The following PGM3 variants were observed in gnomAD, a reference collection of about 807,000 sequenced individuals.
PGM3 encodes the protein phosphoglucomutase 3, also known as phosphoacetylglucosamine mutase.
PGM3 carries 40 observed loss-of-function variants against 66.2 expected under a neutral mutation model. The ratio of observed to expected loss-of-function variants is 0.60; its 90% confidence interval spans 0.47 to 0.79. The LOEUF is 0.79. Ranked by LOEUF, PGM3 falls within the 30% of genes least tolerant of loss-of-function variation. The pLI is 0.00. For missense variants in PGM3, 537 were observed against 643.4 expected (o/e 0.83, Z 1.79); for synonymous variants, 191 against 224.2 (o/e 0.85, Z 1.32).
the PGM3 span, chr6:83,151,815 AACT>A: frequency 6.6e-7 from 1 of 1,506,330 alleles, no homozygotes; most frequent in Non-Finnish European, 9.1e-7. Context: ...CAGAAATATA[AACT>A]ACAGAAGTTC....
downstream of PGM3, chr6:83,160,031 C>T: frequency 1.4e-6 from 2 of 1,471,314 alleles, no homozygotes; most frequent in East Asian, 2.3e-5. Context: ...ACATCTATGA[C>T]TAATTAAAAA....
chr6:83,162,906 G>A (rs747562310), downstream of PGM3: 10 of 1,611,786 alleles, frequency 6.2e-6, no homozygotes, highest in East Asian at 4.5e-5. Context: ...AAACTTCTTC[G>A]GAAAAGAGCA....
In PGM3 at chr6:83,190,782, G is replaced by C. The variant is rs142893299; in HGVS notation, c.204+27C>G. ...GGCTTGGTCTTGTAAATAATGGTCT[G>C]CTTTATCAGGGCACTAAACCCATTA... is the stretch of plus-strand genomic sequence containing the variant. On this transcript the variant is annotated intron_variant, in intron 2 of 12. Transcript: ENST00000513973. 83 of 1,545,658 alleles carry C rather than the reference G, an allele frequency of 5.4e-5. No homozygotes were observed. The African/African-American group carries it at 9.2e-4, about 17-fold the overall frequency.
the PGM3 span, chr6:83,152,296 T>C: frequency 1.3e-6 from 2 of 1,562,298 alleles, no homozygotes; most frequent in African/African-American, 1.4e-5. Context: ...AGATATGTTA[T>C]CACCTGCAAT....
chr6:83,187,113 T>C lies in PGM3; in HGVS notation c.390-38A>G, dbSNP rs551782249. The stretch of plus-strand genomic sequence containing the variant: ...AGGAAGAAAATAATATATCCCATCC[T>C]GAAACTGGCAGGGTTGCTGGTTCTG... On this transcript the variant is annotated intron_variant, in intron 3 of 12. Coordinates refer to ENST00000513973, the MANE Select transcript of PGM3 (RefSeq NM_015599.3). 4 of 1,325,344 alleles carry C rather than the reference T, an allele frequency of 3.0e-6. No homozygotes were observed. The African/African-American group carries it at 4.4e-5, about 14-fold the overall frequency. The allele number at this position is 1,325,344 out of a possible 1,614,324, so 82.1% of individuals were successfully genotyped here.
intron 12 of PGM3, 137 bp from the exon 13 acceptor site, chr6:83,169,460 C>T: frequency 2.0e-6 from 2 of 1,011,996 alleles, no homozygotes; most frequent in Non-Finnish European, 2.8e-6. Flanking sequence ...CTAATGAAAA[C>T]CTTTTTTCAT....
downstream of PGM3, chr6:83,163,008 A>AC: frequency 7.1e-7 from 1 of 1,402,598 alleles, no homozygotes; most frequent in South Asian, 1.6e-5. Context: ...GGAAACTGAG[A>AC]ACGTTATCAA....
the PGM3 span, among the ~76,000 whole-genome samples, chr6:83,152,635 T>G: frequency 2.0e-5 from 3 of 151,146 alleles, no homozygotes; most frequent in Admixed American, 2.0e-4. Flanking sequence ...TTTTTTTTTT[T>G]TGAGACAGTT....
downstream of PGM3, chr6:83,157,443 A>T (rs893160093): frequency 2.9e-6 from 3 of 1,020,072 alleles, no homozygotes; most frequent in African/African-American, 1.6e-5. Flanking sequence ...CCAGTTACTG[A>T]TGCTTTTTAC....
downstream of PGM3, among the ~76,000 whole-genome samples, chr6:83,158,398 C>T (rs947643975): frequency 5.3e-5 from 8 of 152,030 alleles, no homozygotes; most frequent in Non-Finnish European, 8.8e-5. Context: ...TAGCAAGGCT[C>T]TGTGTGGCTA....
At chr6:83,164,760 G>A (rs1279619631), downstream of PGM3, 3 of 1,536,542 alleles carry the variant, frequency 2.0e-6, no homozygotes, top group Non-Finnish European at 2.6e-6. Context: ...GGCAGCAAAA[G>A]TTGCCAAATA....
At chr6:83,169,799 G>A in intron 12 of PGM3, 1 of 457,484 alleles carries the variant, frequency 2.2e-6, no homozygotes, top group Non-Finnish European at 4.4e-6. Flanking sequence ...AGGAGTATGT[G>A]AAGAGGCCAA....
intron 5 of PGM3, 35 bp downstream of exon 5, chr6:83,182,810 T>C (rs1788280681): frequency 6.3e-7 from 1 of 1,591,934 alleles, no homozygotes; most frequent in African/African-American, 1.3e-5. Context: ...TTTATTCATT[T>C]GTTTAACTTT....
At position 83,181,597 on chromosome 6, in the gene PGM3, G is replaced by A. The variant is rs535332087; in HGVS notation, c.787+139C>T. On this transcript the variant is annotated intron_variant, in intron 6 of 12. Transcript: ENST00000513973. ...CATGTTTCAATGGCTCTGAGAGTGG[G>A]AAGACTTCTCAATGTCTAAATGTGG... 5 of 600,128 alleles carry A rather than the reference G, an allele frequency of 8.3e-6. No homozygotes were observed. The East Asian group carries it at 1.4e-4, about 17-fold the overall frequency. The allele number at this position is 600,128 out of a possible 1,614,324, so 37.2% of individuals were successfully genotyped here. A position where few individuals can be genotyped will look rare whatever the true frequency, so the allele number is the denominator to read the frequency against.
intron 4 of PGM3, 95 bp from the exon 5 acceptor site, chr6:83,183,073 T>A (rs1338825822): frequency 9.1e-7 from 1 of 1,104,818 alleles, no homozygotes; most frequent in African/African-American, 1.6e-5. Flanking sequence ...GGGTGACAAA[T>A]CCTTTTGTGT....
chr6:83,155,506 C>T, the PGM3 span, among the ~76,000 whole-genome samples: 7 of 151,828 alleles, frequency 4.6e-5, no homozygotes, highest in Admixed American at 3.9e-4. Context: ...GATGGGAGCA[C>T]GCTTGGTGCA....
In PGM3 at chr6:83,169,036, AATTTCTTTAACAAGTGT is replaced by A. The variant is rs1477903321; in HGVS notation, c.*181_*197del. Reference sequence around the variant, plus strand: ...ATTAGTGAGACTGAAATTAGAGGTAAATTTCTTTAACAAGTGTAAGGCTTACCTATTTATAAAGAATT... The same window carrying A: ...ATTAGTGAGACTGAAATTAGAGGTAAAAGGCTTACCTATTTATAAAGAATT... On this transcript the variant is annotated 3_prime_UTR_variant, in exon 13 of 13. Transcript: ENST00000513973. 1 of 1,369,780 alleles carries A rather than the reference AATTTCTTTAACAAGTGT, an allele frequency of 7.3e-7. No individual in the cohort carries two copies. The highest frequency in any genetic ancestry group is 9.4e-7 in the Non-Finnish European group (1 of 1,062,296). 84.9% of individuals were successfully genotyped at this position (1,369,780 alleles called of 1,614,324 possible).
At chr6:83,169,629 A>G (rs977400967) in intron 12 of PGM3, 16 of 462,360 alleles carry the variant, frequency 3.5e-5, no homozygotes, top group Non-Finnish European at 5.0e-5. Flanking sequence ...CCTAACAGTA[A>G]GTAAGTACTA....
chr6:83,170,062 T>C (rs1205080969), intron 12 of PGM3, among the ~76,000 whole-genome samples: 1 of 152,222 alleles, frequency 6.6e-6, no homozygotes, highest in Non-Finnish European at 1.5e-5. Flanking sequence ...GTTAAAAATA[T>C]GACACTTTCA....
Sources: allele counts gnomAD v4.1 joint callset (sites outside exome capture counted in the v4.1 genomes callset), GRCh38; gene constraint gnomAD v4.1.1; transcripts MANE v1.5; gene names NCBI Gene and HGNC (gene_info 2026-07-23, HGNC 2026-07-21).